ADAM12: variants seen among roughly 807,000 people sequenced by gnomAD.
The protein encoded by ADAM12 is ADAM metallopeptidase domain 12, also known as disintegrin and metalloproteinase domain-containing protein 12.
A neutral mutation model predicts 106.4 loss-of-function variants in ADAM12; 70 were observed. The observed-to-expected ratio is 0.66, with a 90% confidence interval of 0.54 to 0.80. The LOEUF is 0.80. Ranked by LOEUF, ADAM12 falls within the 30% of genes least tolerant of loss-of-function variation. The pLI, the probability that ADAM12 is intolerant of heterozygous loss-of-function variation, is 0.00. For synonymous variants in ADAM12, 420 were observed against 433.5 expected (o/e 0.97, Z 0.39); for missense variants, 1,010 against 1,171.9 (o/e 0.86, Z 2.02).
chr10:126,375,662 T>A (rs1258515105), intron 1 of ADAM12, among the ~76,000 whole-genome samples: 2 of 143,992 alleles, frequency 1.4e-5, no homozygotes, highest in African/African-American at 5.1e-5. Flanking sequence ...AAGAAAGGTG[T>A]AAAGATAGCA....
At chr10:126,274,057 C>T (rs569971432) in intron 3 of ADAM12, among the ~76,000 whole-genome samples, 1 of 152,304 alleles carries the variant, frequency 6.6e-6, no homozygotes, top group East Asian at 1.9e-4. Flanking sequence ...AAGTGACCTT[C>T]GACCTCCTGG....
intron 11 of ADAM12, among the ~76,000 whole-genome samples, chr10:126,081,442 G>A (rs1250041792): frequency 6.6e-6 from 1 of 152,164 alleles, no homozygotes; most frequent in Admixed American, 6.5e-5. Flanking sequence ...ATGATTAGAT[G>A]GTAAAGGGCT....
chr10:126,024,486 A>AC (rs1953831001), intron 21 of ADAM12, among the ~76,000 whole-genome samples: 1 of 152,238 alleles, frequency 6.6e-6, no homozygotes, highest in Non-Finnish European at 1.5e-5. Context: ...TTTAAAAAAT[A>AC]TACACTACAA....
At chr10:126,306,186 T>C (rs1960837609) in intron 2 of ADAM12, among the ~76,000 whole-genome samples, 1 of 152,008 alleles carries the variant, frequency 6.6e-6, no homozygotes, top group Non-Finnish European at 1.5e-5. Flanking sequence ...AAATAAACTT[T>C]ATATTTTTAT....
intron 3 of ADAM12, among the ~76,000 whole-genome samples, chr10:126,258,093 A>G (rs1406922644): frequency 6.6e-6 from 1 of 152,236 alleles, no homozygotes; most frequent in African/African-American, 2.4e-5. Flanking sequence ...AGCATAGAAT[A>G]ATATGCTAGG....
intron 3 of ADAM12, among the ~76,000 whole-genome samples, chr10:126,248,988 G>A (rs1420013819): frequency 6.6e-6 from 1 of 152,096 alleles, no homozygotes; most frequent in Non-Finnish European, 1.5e-5. Context: ...TTACAGGCAT[G>A]AGCCACCATG....
chr10:126,021,873 A>G (rs1257940729), intron 21 of ADAM12, among the ~76,000 whole-genome samples: 2 of 152,240 alleles, frequency 1.3e-5, no homozygotes, highest in Admixed American at 1.3e-4. Context: ...AAAGCACCAT[A>G]ACCCTACCAA....
At chr10:126,318,107 G>A (rs943629640) in intron 2 of ADAM12, among the ~76,000 whole-genome samples, 6 of 152,032 alleles carry the variant, frequency 3.9e-5, no homozygotes, top group Admixed American at 1.3e-4. Flanking sequence ...AATCGGGCTC[G>A]TGGAGAAATG....
chr10:126,022,766 A>G (rs1333789122), intron 21 of ADAM12, among the ~76,000 whole-genome samples: 1 of 152,210 alleles, frequency 6.6e-6, no homozygotes, highest in African/African-American at 2.4e-5. Flanking sequence ...CTTTAAATCT[A>G]TTTTCATTTT....
chr10:126,238,139 A>G (rs574372175), intron 3 of ADAM12, among the ~76,000 whole-genome samples: 134 of 152,366 alleles, frequency 8.8e-4, no homozygotes, highest in African/African-American at 3.2e-3. Flanking sequence ...GAGTACATAC[A>G]TTGCGTAAAA....
At chr10:126,231,750 G>A (rs903991908) in intron 3 of ADAM12, among the ~76,000 whole-genome samples, 4 of 152,154 alleles carry the variant, frequency 2.6e-5, no homozygotes, top group Admixed American at 6.5e-5. Context: ...GCCTCGGGGC[G>A]GCTGCTCTCT....
In ADAM12 at chr10:126,287,866, C is replaced by A. The variant is rs112532387; in HGVS notation, c.187-8878G>T. On this transcript the variant is annotated intron_variant, in intron 2 of 22. Transcript: ENST00000448723. ...TCTTTTACTTGTTTACAGTCTATCT[C>A]CCTCGGCAAAATAGAAACTTCCCAA... 9.9e-5 allele frequency among the ~76,000 whole-genome samples: 15 copies of A among 152,150 alleles called. 1 individual carries two copies. The highest frequency in any genetic ancestry group is 3.6e-4 in the African/African-American group (15 of 41,496).
At chr10:126,295,532 T>TACAC (rs1047274012) in intron 2 of ADAM12, among the ~76,000 whole-genome samples, 1 of 147,560 alleles carries the variant, frequency 6.8e-6, no homozygotes, top group African/African-American at 2.5e-5. Flanking sequence ...ACCACAAAAA[T>TACAC]ACACACACAC....
intron 1 of ADAM12, among the ~76,000 whole-genome samples, chr10:126,335,950 G>A (rs1049101955): frequency 3.3e-5 from 5 of 150,874 alleles, no homozygotes; most frequent in Non-Finnish European, 3.0e-5. Flanking sequence ...ACCAGTAATC[G>A]TCAAAACTGT....
chr10:126,174,165 C>T (rs970564105), intron 3 of ADAM12, among the ~76,000 whole-genome samples: 10 of 151,708 alleles, frequency 6.6e-5, no homozygotes, highest in African/African-American at 2.2e-4. Flanking sequence ...ATTCCATTTG[C>T]TTTATACGTT....
At chr10:126,045,410 G>A (rs1177439506) in intron 17 of ADAM12, among the ~76,000 whole-genome samples, 4 of 152,142 alleles carry the variant, frequency 2.6e-5, no homozygotes, top group African/African-American at 9.7e-5. Context: ...ATTGGCAAGT[G>A]TCTACAAGTT....
chr10:126,193,852 A>T (rs1457991370), intron 3 of ADAM12, among the ~76,000 whole-genome samples: 1 of 151,844 alleles, frequency 6.6e-6, no homozygotes, highest in Non-Finnish European at 1.5e-5. Context: ...AGCTCATGTC[A>T]TTGCACTCCA....
rs550257403 is a variant in ADAM12 at position 126,132,487 on chromosome 10, G to T, written c.416+3097C>A. The stretch of plus-strand genomic sequence containing the variant: ...CCCTGGTCTCTACAGGAGCTGCAAA[G>T]CTTTGCAAGGAATTATCCCAGGAGT... On this transcript the variant is annotated intron_variant, in intron 5 of 22. Coordinates refer to ENST00000448723, the MANE Select transcript of ADAM12 (RefSeq NM_001288973.2). Among the ~76,000 whole-genome samples, 3 of 150,548 alleles carry T rather than the reference G, an allele frequency of 2.0e-5. No homozygotes were observed. The South Asian group carries it at 6.3e-4, about 32-fold the overall frequency.
chr10:126,024,157 G>A (rs569050292), intron 21 of ADAM12, among the ~76,000 whole-genome samples: 14 of 152,176 alleles, frequency 9.2e-5, no homozygotes, highest in African/African-American at 2.4e-4. Flanking sequence ...TACCACTTAC[G>A]TAAAGTTTAA....
Sources: gnomAD v4.1 joint callset for allele counts (sites outside exome capture counted in the v4.1 genomes callset) on GRCh38, gnomAD v4.1.1 for gene constraint, MANE v1.5 for transcripts, NCBI Gene and HGNC (gene_info 2026-07-23, HGNC 2026-07-21) for gene names.